The following AMN1 variants were observed in gnomAD, a reference collection of about 807,000 sequenced individuals.
AMN1 encodes the protein protein AMN1 homolog.
Under a neutral mutation model 33.0 loss-of-function variants are expected in AMN1, and 20 were observed. That is an observed-to-expected ratio of 0.61 (90% confidence interval 0.43 to 0.88). The LOEUF (loss-of-function observed/expected upper bound fraction) is 0.88, where lower values mean the gene tolerates loss of function less well. Among genes scored for constraint, AMN1 ranks in the 40% least tolerant of loss-of-function variants. AMN1 has a pLI of 0.00. For synonymous variants in AMN1, 114 were observed against 111.9 expected (o/e 1.02, Z -0.12); for missense variants, 246 against 307.4 (o/e 0.80, Z 1.49).
At chr12:31,678,925 A>G (rs1592146820) in intron 6 of AMN1, among the ~76,000 whole-genome samples, 1 of 152,180 alleles carries the variant, frequency 6.6e-6, no homozygotes, top group East Asian at 1.9e-4. Context: ...CAGGATTAAG[A>G]CAAATATGAA....
chr12:31,681,800 C>T (rs535381755), intron 6 of AMN1, among the ~76,000 whole-genome samples: 3 of 152,202 alleles, frequency 2.0e-5, no homozygotes, highest in Admixed American at 6.5e-5. Flanking sequence ...CTCAGCCTCC[C>T]GAGTAGCTGG....
At chr12:31,688,852 A>C (rs373462314) in intron 6 of AMN1, among the ~76,000 whole-genome samples, 155 bp downstream of exon 6, 8 of 151,344 alleles carry the variant, frequency 5.3e-5, no homozygotes, top group African/African-American at 1.7e-4. Flanking sequence ...AAGAATTGTC[A>C]GATAATCATG....
chr12:31,682,034 T>A (rs756210172), intron 6 of AMN1, among the ~76,000 whole-genome samples: 23 of 152,134 alleles, frequency 1.5e-4, no homozygotes, highest in Non-Finnish European at 3.1e-4. Context: ...ATCAGAAAAA[T>A]AACATTTTAA....
chr12:31,705,417 G>C (rs1181452507), intron 2 of AMN1, among the ~76,000 whole-genome samples: 1 of 152,092 alleles, frequency 6.6e-6, no homozygotes, highest in East Asian at 1.9e-4. Flanking sequence ...AGGATCACCT[G>C]AGCCCAGGAG....
intron 2 of AMN1, among the ~76,000 whole-genome samples, chr12:31,707,224 T>C (rs1939279914): frequency 1.3e-5 from 2 of 152,220 alleles, no homozygotes; most frequent in South Asian, 2.1e-4. Flanking sequence ...AAATGTACTA[T>C]ACATTATACT....
intron 5 of AMN1, among the ~76,000 whole-genome samples, chr12:31,689,371 A>G (rs1340134595): frequency 1.3e-5 from 2 of 152,236 alleles, no homozygotes; most frequent in African/African-American, 4.8e-5. Flanking sequence ...GAACTCAGCA[A>G]TTCCAATTGT....
intron 1 of AMN1, among the ~76,000 whole-genome samples, chr12:31,726,245 T>A (rs1038768701): frequency 6.7e-6 from 1 of 149,834 alleles, no homozygotes; most frequent in Non-Finnish European, 1.5e-5. Flanking sequence ...CACCGCAACC[T>A]CTGCCTCCCA....
rs1938105245 is a variant in AMN1, at chr12:31,683,160, A to G, written c.703+5847T>C. Among the ~76,000 whole-genome samples the G allele has an allele frequency of 6.6e-6, 1 of 151,970 alleles. No individual in the cohort carries two copies. The highest frequency in any genetic ancestry group is 2.4e-5 in the African/African-American group (1 of 41,380). ...GTATTTTTAGTAGAGAGGGGGTTTCACCATATTGGCCAGGCTGGTCTCAAA... is the reference window on the plus strand; with the variant it reads ...GTATTTTTAGTAGAGAGGGGGTTTCGCCATATTGGCCAGGCTGGTCTCAAA... On this transcript the variant is annotated intron_variant, in intron 6 of 6. Transcript: ENST00000281471. The surrounding 1 kb of genome is among the most constrained non-coding windows in gnomAD (Gnocchi z 4.1).
chr12:31,674,540 C>T lies in AMN1; in HGVS notation c.704-2163G>A, dbSNP rs79873773. 7.4e-3 allele frequency among the ~76,000 whole-genome samples: 1,122 copies of T among 152,192 alleles called. 6 individuals carry two copies. The highest frequency in any genetic ancestry group is 0.012 in the Non-Finnish European group (844 of 68,000). ...ACATAGATAATACAGAATGATCTCC[C>T]TACTTAAAAATCAACTGATTAGCAA... On this transcript the variant is annotated intron_variant, in intron 6 of 6. Transcript: ENST00000281471.
At chr12:31,696,118 T>C (rs1332751053) in intron 5 of AMN1, among the ~76,000 whole-genome samples, 6 of 151,828 alleles carry the variant, frequency 4.0e-5, no homozygotes, top group Non-Finnish European at 8.8e-5. Flanking sequence ...ATGCCTGCAG[T>C]CCCAGCTACT....
At chr12:31,717,888 C>T (rs1328482714) in intron 1 of AMN1, among the ~76,000 whole-genome samples, 1 of 152,060 alleles carries the variant, frequency 6.6e-6, no homozygotes, top group Non-Finnish European at 1.5e-5. Context: ...AACCCCCCGA[C>T]AGGCCCCAGT....
chr12:31,680,665 G>A (rs1208244103), intron 6 of AMN1, among the ~76,000 whole-genome samples: 1 of 152,114 alleles, frequency 6.6e-6, no homozygotes, highest in Non-Finnish European at 1.5e-5. Context: ...AAACATAGTC[G>A]AGAAAATAGG....
intron 2 of AMN1, among the ~76,000 whole-genome samples, chr12:31,705,011 A>G (rs1200165261): frequency 6.6e-6 from 1 of 152,230 alleles, no homozygotes; most frequent in Non-Finnish European, 1.5e-5. Context: ...ACCATCAACA[A>G]TAAGAACGTG....
intron 5 of AMN1, among the ~76,000 whole-genome samples, chr12:31,689,956 AT>A (rs1440131073): frequency 3.3e-5 from 5 of 152,114 alleles, no homozygotes; most frequent in Non-Finnish European, 5.9e-5. Flanking sequence ...TGTCATTCTT[AT>A]GCATTTGCAT....
Position 31,715,344 on chromosome 12 carries a change from C to A in AMN1, c.39-5919G>T. On this transcript the variant is annotated intron_variant, in intron 1 of 6. Transcript: ENST00000281471. ...AAGTCAGTTCTTAGAACAAATTAGT[C>A]AGCTTCAGCCTCATCACCAGGATCT... 3 of 216,226 alleles carry A rather than the reference C, an allele frequency of 1.4e-5. No individual in the cohort carries two copies. In the South Asian group the frequency reaches 2.6e-4, roughly 19 times the overall value. 13.4% of individuals were successfully genotyped at this position (216,226 alleles called of 1,614,324 possible). A position where few individuals can be genotyped will look rare whatever the true frequency, so the allele number is the denominator to read the frequency against.
rs143456695 is a variant in AMN1, at chr12:31,724,480, G to C, written c.38+4491C>G. 6.7e-3 allele frequency among the ~76,000 whole-genome samples: 1,023 copies of C among 152,054 alleles called. 13 individuals carry two copies. Among genetic ancestry groups the C allele is most frequent in the African/African-American group, 0.023 (959 of 41,464 alleles). On this transcript the variant is annotated intron_variant, in intron 1 of 6. Transcript: ENST00000281471. ...GAGATTTCATCATGCTACTCAAAAT[G>C]GTGCATAATTTAAAATTTATGAATT...
intron 5 of AMN1, among the ~76,000 whole-genome samples, chr12:31,691,802 T>A (rs1271532132): frequency 6.6e-6 from 1 of 152,172 alleles, no homozygotes; most frequent in East Asian, 1.9e-4. Flanking sequence ...ATATTTAGGA[T>A]AGTGGTTACT....
At chr12:31,694,255 A>C (rs1938624905) in intron 5 of AMN1, among the ~76,000 whole-genome samples, 1 of 151,814 alleles carries the variant, frequency 6.6e-6, no homozygotes. Flanking sequence ...CAGCCTGGCC[A>C]ACATGGTGAA....
At chr12:31,685,202 T>C (rs1938204355) in intron 6 of AMN1, among the ~76,000 whole-genome samples, 1 of 151,962 alleles carries the variant, frequency 6.6e-6, no homozygotes, top group South Asian at 2.1e-4. Flanking sequence ...CTAATTTTTG[T>C]ATTTTTAGTA....
Sources: allele counts gnomAD v4.1 joint callset (sites outside exome capture counted in the v4.1 genomes callset), GRCh38; gene constraint gnomAD v4.1.1; non-coding constraint Gnocchi (gnomAD v3.1); transcripts MANE v1.5; gene names NCBI Gene and HGNC (gene_info 2026-07-23, HGNC 2026-07-21).